Variants in DNAH10 observed in about 807,000 individuals in gnomAD.
DNAH10 encodes the protein axonemal beta dynein heavy chain 10.
In DNAH10, 348 loss-of-function variants were observed where a neutral mutation model predicts 506.6. That is an observed-to-expected ratio of 0.69 (90% CI 0.63 to 0.75). The LOEUF is 0.75. Ranked by LOEUF, DNAH10 falls within the 30% of genes least tolerant of loss-of-function variation. The pLI is 0.00. For synonymous variants in DNAH10, 2,059 were observed against 2,198.6 expected, an observed-to-expected ratio of 0.94 and a Z score of 1.78; for missense variants, 5,179 against 5,787.1, an observed-to-expected ratio of 0.89 and a Z score of 3.41.
chr12:123,784,904 G>C (rs1957792172), intron 8 of DNAH10, among the ~76,000 whole-genome samples: 1 of 152,222 alleles, frequency 6.6e-6, no homozygotes, highest in African/African-American at 2.4e-5. Flanking sequence ...GTAGCGTGGA[G>C]CGTGTTAGTG....
chr12:123,788,572 G>A (rs927814287), intron 10 of DNAH10, among the ~76,000 whole-genome samples: 4 of 152,164 alleles, frequency 2.6e-5, no homozygotes, highest in African/African-American at 9.7e-5. Context: ...GTGTGGCAGT[G>A]CCCAGCCCGA....
intron 2 of DNAH10, among the ~76,000 whole-genome samples, chr12:123,769,368 G>A (rs1957165745): frequency 6.6e-6 from 1 of 151,904 alleles, no homozygotes; most frequent in South Asian, 2.1e-4. Flanking sequence ...GTAGAGACGG[G>A]GTTTCACCAT....
rs1285813112 is a variant in DNAH10 at position 123,804,868 on chromosome 12, A to T, written c.2815A>T (p.Arg939Trp). The T allele has an allele frequency of 4.3e-6, 7 of 1,612,594 alleles. No homozygotes were observed. Among genetic ancestry groups the T allele is most frequent in the Non-Finnish European group, 5.9e-6 (7 of 1,179,686 alleles). ...ATTTTTTGAACACATTGAGCGAGAA[A>T]GGGCCAGCGACGTGGACCACATGGT... ...KEFFEHIERE[R>W]ASDVDHMVRW... The change falls in exon 18 of 79, where the codon AGG (arginine) becomes TGG (tryptophan). Residue 939 changes from arginine (R) to tryptophan (W), a missense_variant. This residue lies in a region of DNAH10 where 4,844 missense variants were observed against 5,430.5 expected (regional missense o/e 0.89). Transcript: ENST00000673944.
At chr12:123,884,127 C>T (rs1410682367) in intron 51 of DNAH10, among the ~76,000 whole-genome samples, 4 of 152,110 alleles carry the variant, frequency 2.6e-5, no homozygotes, top group African/African-American at 7.2e-5. Context: ...TCTGCCTCCC[C>T]GGGTTCAAGC....
intron 57 of DNAH10, among the ~76,000 whole-genome samples, chr12:123,904,818 G>C (rs1033186310): frequency 2.6e-5 from 4 of 152,180 alleles, no homozygotes; most frequent in Non-Finnish European, 5.9e-5. Context: ...CTGGGCACAT[G>C]GTCAGAGCCA....
intron 72 of DNAH10, 114 bp from the exon 73 acceptor site, chr12:123,930,288 A>G (rs1955144799): frequency 3.0e-6 from 3 of 1,013,894 alleles, no homozygotes; most frequent in Non-Finnish European, 4.1e-6. Flanking sequence ...CAAGCCTTGC[A>G]GCAGCCAGGC....
Position 123,929,255 on chromosome 12 carries a change from T to C in DNAH10, c.12307-20T>C. The C allele has an allele frequency of 3.2e-6, 5 of 1,569,396 alleles. No individual in the cohort carries two copies. Among genetic ancestry groups the C allele is most frequent in the Non-Finnish European group, 4.3e-6 (5 of 1,157,202 alleles). On this transcript the variant is annotated intron_variant, in intron 70 of 78. Transcript: ENST00000673944. ...TGGGCCTGCGGTCTCCATCACTGTG[T>C]GTTTTCTTCTCTTCTGAAGGTTGTC...
rs571969956 is a variant in DNAH10, at chr12:123,833,110, A to G, written c.4546-4A>G. ...TGAATCATTCTTTTTCTATTCCTGA[A>G]CAGGCTGTGAAGGAAATCCTAGACA... On this transcript the variant is annotated splice_region_variant and splice_polypyrimidine_tract_variant and intron_variant, in intron 26 of 78. Coordinates refer to ENST00000673944, the MANE Select transcript of DNAH10 (RefSeq NM_001372106.1). 9 of 1,600,892 alleles carry G rather than the reference A, an allele frequency of 5.6e-6. No individual in the cohort carries two copies. In the South Asian group the frequency reaches 9.0e-5, roughly 16 times the overall value.
intron 11 of DNAH10, among the ~76,000 whole-genome samples, chr12:123,792,520 C>T (rs986244523): frequency 2.1e-5 from 3 of 143,864 alleles, no homozygotes; most frequent in African/African-American, 8.1e-5. Flanking sequence ...AGTGTAATGG[C>T]GTGATCTTGG....
intron 57 of DNAH10, chr12:123,908,315 T>C: frequency 2.2e-6 from 1 of 455,766 alleles, no homozygotes; most frequent in Non-Finnish European, 4.4e-6. Flanking sequence ...TCCATCCCCC[T>C]CTTTCTTCTC....
chr12:123,767,824 A>T (rs1957104685), intron 2 of DNAH10, 135 bp downstream of exon 2: 4 of 737,268 alleles, frequency 5.4e-6, no homozygotes, highest in Non-Finnish European at 9.2e-6. Flanking sequence ...GTGCTGGGTC[A>T]TGAATAGACG....
At position 123,873,652 on chromosome 12, in the gene DNAH10, AC is replaced by A; in HGVS notation, c.7881del (p.Tyr2627Ter). 3.7e-6 allele frequency: 6 copies of A among 1,613,796 alleles called. No homozygotes were observed. Among genetic ancestry groups the A allele is most frequent in the Non-Finnish European group, 4.2e-6 (5 of 1,179,796 alleles). On this transcript the variant is annotated frameshift_variant, in exon 46 of 79. Transcript: ENST00000673944. LOFTEE classifies it high-confidence loss of function. The stretch of plus-strand genomic sequence containing the variant: ...GTGGAAAAGCGAACCAAAGATACTT[AC>A]GGCCCACCCATGGGAAAACGCCTGC... ...ANVEKRTKDTYGPPMGKRLLV... is the reference protein window; with the variant it reads ...ANVEKRTKDTXGPPMGKRLLV...
intron 57 of DNAH10, among the ~76,000 whole-genome samples, chr12:123,905,504 C>G (rs1017637815): frequency 6.6e-6 from 1 of 152,188 alleles, no homozygotes; most frequent in African/African-American, 2.4e-5. Flanking sequence ...ACGAGTAGTA[C>G]CTGCTTTTTC....
chr12:123,778,882 T>A (rs1433371261), intron 5 of DNAH10, among the ~76,000 whole-genome samples: 2 of 146,682 alleles, frequency 1.4e-5, no homozygotes, highest in Non-Finnish European at 3.0e-5. Context: ...GGTCTATAGG[T>A]GCACACCACT....
In DNAH10 at chr12:123,889,807, G is replaced by T. The variant is rs567393337; in HGVS notation, c.8995+2494G>T. On this transcript the variant is annotated intron_variant, in intron 52 of 78. Transcript: ENST00000673944. ...GGTCTTAAGGGGTTAAGATCAGGGT[G>T]TTGGTGGGGCTGGTTCCTTCCAGAG... Among the ~76,000 whole-genome samples, 13 of 152,322 alleles carry T rather than the reference G, an allele frequency of 8.5e-5. No individual in the cohort carries two copies. In the East Asian group the frequency reaches 2.5e-3, roughly 29 times the overall value.
intron 3 of DNAH10, 146 bp downstream of exon 3, chr12:123,771,844 G>A: frequency 1.5e-6 from 1 of 685,930 alleles, no homozygotes; most frequent in Non-Finnish European, 2.5e-6. Flanking sequence ...CTCAGATTCA[G>A]TGATTGGCTG....
At chr12:123,819,469 G>A (rs1454926063) in intron 23 of DNAH10, among the ~76,000 whole-genome samples, 1 of 151,040 alleles carries the variant, frequency 6.6e-6, no homozygotes, top group Non-Finnish European at 1.5e-5. Flanking sequence ...CTACCCGAAG[G>A]TGTTGAGAGA....
chr12:123,780,098 A>AAC (rs36168875), intron 5 of DNAH10, among the ~76,000 whole-genome samples: 111,141 of 149,586 alleles, frequency 0.74, 42,086 homozygotes, highest in East Asian at 1. Flanking sequence ...CTGATGGTTT[A>AAC]ACACAGTTTC....
intron 72 of DNAH10, 139 bp downstream of exon 72, chr12:123,929,898 C>G (rs904877521): frequency 2.3e-5 from 16 of 709,708 alleles, no homozygotes; most frequent in Non-Finnish European, 3.0e-5. Flanking sequence ...ACAATTCTCT[C>G]TGCTCTCACC....
Sources: allele counts gnomAD v4.1 joint callset (sites outside exome capture counted in the v4.1 genomes callset), GRCh38; gene constraint gnomAD v4.1.1; regional missense constraint gnomAD v4.1.1; transcripts MANE v1.5; gene names NCBI Gene and HGNC (gene_info 2026-07-23, HGNC 2026-07-21).